The following ABCC6 variants were observed in gnomAD, a reference collection of about 807,000 sequenced individuals.
ABCC6 encodes ATP-binding cassette sub-family C member 6.
ABCC6 carries 126 observed loss-of-function variants against 169.5 expected under a neutral mutation model. That is an observed-to-expected ratio of 0.74 (90% CI 0.64 to 0.86). The LOEUF (loss-of-function observed/expected upper bound fraction) is 0.86, where lower values mean the gene tolerates loss of function less well. Among genes scored for constraint, ABCC6 ranks in the 40% least tolerant of loss-of-function variants. ABCC6 has a pLI of 0.00. For synonymous variants in ABCC6, 752 were observed against 814.7 expected, an observed-to-expected ratio of 0.92 and a Z score of 1.31; for missense variants, 1,733 against 1,927.2, an observed-to-expected ratio of 0.90 and a Z score of 1.89.
At chr16:16,183,353 G>C (rs2047543801) in intron 15 of ABCC6, among the ~76,000 whole-genome samples, 2 of 152,128 alleles carry the variant, frequency 1.3e-5, no homozygotes, top group African/African-American at 4.8e-5. Context: ...CTTGGCTCTT[G>C]CGATAAATAG....
intron 27 of ABCC6, chr16:16,155,639 T>A (rs1772984609): frequency 6.3e-6 from 1 of 157,524 alleles, no homozygotes; most frequent in South Asian, 1.9e-4. Context: ...ATGTGTCCAT[T>A]CTGTTATCCA....
intron 27 of ABCC6, chr16:16,155,748 TTAA>T (rs999622387): frequency 6.6e-6 from 1 of 152,616 alleles, no homozygotes; most frequent in Non-Finnish European, 1.5e-5. Flanking sequence ...ATTTGTTTAA[TTAA>T]TGATGGAAAC....
intron 10 of ABCC6, among the ~76,000 whole-genome samples, chr16:16,194,336 T>C (rs935194202): frequency 6.6e-6 from 1 of 152,172 alleles, no homozygotes; most frequent in African/African-American, 2.4e-5. Flanking sequence ...AGATAAAGAG[T>C]GAATAAGGTT....
At chr16:16,211,294 G>A (rs1460128629) in intron 6 of ABCC6, among the ~76,000 whole-genome samples, 5 of 151,860 alleles carry the variant, frequency 3.3e-5, no homozygotes, top group African/African-American at 1.2e-4. Context: ...TCAGCTACTC[G>A]GGAGGCTGAG....
intron 11 of ABCC6, among the ~76,000 whole-genome samples, chr16:16,191,874 C>T (rs2047871695): frequency 6.6e-6 from 1 of 152,080 alleles, no homozygotes; most frequent in Non-Finnish European, 1.5e-5. Context: ...TTCTGCCTGC[C>T]AAGCACTAAC....
At chr16:16,150,389 G>A in intron 30 of ABCC6, 148 bp from the exon 31 acceptor site, 1 of 1,523,442 alleles carries the variant, frequency 6.6e-7, no homozygotes, top group Non-Finnish European at 8.9e-7. Context: ...TGGGTTGGAA[G>A]CGTGTGCTGG....
At chr16:16,198,239 C>T in intron 9 of ABCC6, 57 bp from the exon 10 acceptor site, 2 of 1,541,446 alleles carry the variant, frequency 1.3e-6, no homozygotes, top group South Asian at 2.4e-5. Context: ...AGAGGGATGC[C>T]CCAGGTGGCT....
rs59726166 is a variant in ABCC6 at position 16,179,939 on chromosome 16, A to G, written c.2248-974T>C. ...AATATATAATGACTCACCATCATGC[A>G]GTATCAGTGGGAGCCCTGAGCTTGT... On this transcript the variant is annotated intron_variant, in intron 17 of 30. Transcript: ENST00000205557. Among the ~76,000 whole-genome samples the G allele has an allele frequency of 2.6e-4, 40 of 152,312 alleles. No homozygotes were observed. The East Asian group carries it at 7.3e-3, about 28-fold the overall frequency.
intron 21 of ABCC6, among the ~76,000 whole-genome samples, chr16:16,170,124 C>A (rs1482460587): frequency 6.8e-6 from 1 of 146,560 alleles, no homozygotes; most frequent in African/African-American, 2.5e-5. Context: ...CAGGGTCTTG[C>A]TTTGTCGCCC....
At chr16:16,168,767 C>A (rs2046962842) in intron 22 of ABCC6, among the ~76,000 whole-genome samples, 1 of 152,070 alleles carries the variant, frequency 6.6e-6, no homozygotes, top group African/African-American at 2.4e-5. Context: ...CACGTGCAAG[C>A]AAAACTGGGG....
At position 16,173,276 on chromosome 16, in the gene ABCC6, G is replaced by T. The variant is rs557287313; in HGVS notation, c.2787+8C>A. 6.2e-7 allele frequency: 1 copy of T among 1,613,594 alleles called. No homozygotes were observed. Among genetic ancestry groups the T allele is most frequent in the South Asian group, 1.1e-5 (1 of 91,050 alleles). On this transcript the variant is annotated splice_region_variant and intron_variant, in intron 21 of 30. Coordinates refer to ENST00000205557, the MANE Select transcript of ABCC6 (RefSeq NM_001171.6). ...GGGTGGGGAGGGGTGGGTGAAGCTG[G>T]TGGTTACCCTGCCGTATTGGATGCT... is the stretch of plus-strand genomic sequence containing the variant.
chr16:16,173,550 ACCAGATATCACACTTC>A (rs2047178449), intron 20 of ABCC6, 146 bp from the exon 21 acceptor site: 1 of 1,016,862 alleles, frequency 9.8e-7, no homozygotes, highest in Non-Finnish European at 1.5e-6. Context: ...CAGAATACTG[ACCAGATATCACACTTC>A]CCTTCTTCCC....
intron 30 of ABCC6, 95 bp downstream of exon 30, chr16:16,150,483 C>T: frequency 6.6e-7 from 1 of 1,520,346 alleles, no homozygotes; most frequent in Non-Finnish European, 8.8e-7. Context: ...ACCCCTCCAG[C>T]TCTAACCCGA....
rs1299633444 is a variant in ABCC6 at position 16,165,669 on chromosome 16, G to A, written c.3260C>T (p.Ala1087Val). The change falls in exon 23 of 31, where the codon GCC (alanine) becomes GTC (valine). Residue 1087 changes from alanine (A) to valine (V), a missense_variant. By Grantham distance (64) the Ala-to-Val change is moderately conservative. Around this residue, in one of 5 missense-constraint regions of ABCC6, gnomAD observed 1,601 missense variants for 1,635.5 expected, o/e 0.98. Coordinates refer to ENST00000205557, the MANE Select transcript of ABCC6 (RefSeq NM_001171.6). ...AAACAGTGGCAGGATGGCCACAGTG[G>A]CCAGTGGGGTAGCCACTGCCACCAC... Reference protein sequence around the residue: ...SLVVAVATPLATVAILPLFLL... With the variant: ...SLVVAVATPLVTVAILPLFLL... The A allele has an allele frequency of 6.2e-7, 1 of 1,612,476 alleles. No individual in the cohort carries two copies. The highest frequency in any genetic ancestry group is 1.1e-5 in the South Asian group (1 of 91,082).
chr16:16,157,178 A>AC (rs1433219785), intron 27 of ABCC6, among the ~76,000 whole-genome samples: 1 of 152,086 alleles, frequency 6.6e-6, no homozygotes, highest in East Asian at 1.9e-4. Context: ...GCATTAGTAA[A>AC]CATTTCTGGA....
chr16:16,199,965 G>A (rs1417685272), intron 9 of ABCC6, among the ~76,000 whole-genome samples: 1 of 151,890 alleles, frequency 6.6e-6, no homozygotes, highest in African/African-American at 2.4e-5. Context: ...CTATTTGGGA[G>A]GGTGAGGCAG....
intron 17 of ABCC6, among the ~76,000 whole-genome samples, chr16:16,179,647 A>G (rs2047405393): frequency 6.6e-6 from 1 of 152,066 alleles, no homozygotes; most frequent in Non-Finnish European, 1.5e-5. Context: ...TGGGAGTGCA[A>G]TGGCATGATC....
intron 21 of ABCC6, among the ~76,000 whole-genome samples, chr16:16,172,028 TA>T (rs2047101748): frequency 7.8e-6 from 1 of 127,406 alleles, no homozygotes. Flanking sequence ...GATAAATGAG[TA>T]GGTGGGATGC....
In ABCC6 at chr16:16,178,219, C is replaced by T. The variant is rs533331510; in HGVS notation, c.2415+579G>A. On this transcript the variant is annotated intron_variant, in intron 18 of 30. Coordinates refer to ENST00000205557, the MANE Select transcript of ABCC6 (RefSeq NM_001171.6). ...GCGGGCACCTGTAGTCCCAGCTACTCGGGAGGCTGAGGCAGGAGAATGGCG... is the reference window on the plus strand; with the variant it reads ...GCGGGCACCTGTAGTCCCAGCTACTTGGGAGGCTGAGGCAGGAGAATGGCG... 4.6e-5 allele frequency among the ~76,000 whole-genome samples: 7 copies of T among 151,952 alleles called. No individual in the cohort carries two copies. The East Asian group carries it at 1.2e-3, about 25-fold the overall frequency.
Sources: allele counts gnomAD v4.1 joint callset (sites outside exome capture counted in the v4.1 genomes callset), GRCh38; gene constraint gnomAD v4.1.1; regional missense constraint gnomAD v4.1.1; transcripts MANE v1.5; gene names NCBI Gene and HGNC (gene_info 2026-07-23, HGNC 2026-07-21).